The following P4HA1 variants were observed in gnomAD, a reference collection of about 807,000 sequenced individuals.
P4HA1 encodes the protein prolyl 4-hydroxylase subunit alpha-1.
P4HA1 carries 24 observed loss-of-function variants against 72.8 expected under a neutral mutation model. The ratio of observed to expected loss-of-function variants is 0.33; its 90% CI spans 0.24 to 0.46. The LOEUF is 0.46. Ranked by LOEUF, P4HA1 falls within the 20% of genes least tolerant of loss-of-function variation. The pLI is 1.00. For synonymous variants in P4HA1, 201 were observed against 218.8 expected (o/e 0.92, Z 0.72); for missense variants, 446 against 640.6 (o/e 0.70, Z 3.28).
At chr10:73,071,555 T>C (rs1478961814) in intron 4 of P4HA1, among the ~76,000 whole-genome samples, 1 of 152,136 alleles carries the variant, frequency 6.6e-6, no homozygotes, top group Non-Finnish European at 1.5e-5. Flanking sequence ...CAACTACAAA[T>C]TGTATTGTAT....
intron 6 of P4HA1, among the ~76,000 whole-genome samples, chr10:73,053,029 A>G (rs1198641411): frequency 6.6e-6 from 1 of 152,252 alleles, no homozygotes; most frequent in Non-Finnish European, 1.5e-5. Flanking sequence ...GCAATAAAAC[A>G]TAACACCCTT....
At chr10:73,023,233 G>T (rs2133049435) in intron 10 of P4HA1, among the ~76,000 whole-genome samples, 1 of 152,246 alleles carries the variant, frequency 6.6e-6, no homozygotes, top group Admixed American at 6.5e-5. Flanking sequence ...AAAATCTTAA[G>T]GGCAGCCAGA....
At chr10:73,062,492 TATA>T (rs1259743722) in intron 5 of P4HA1, among the ~76,000 whole-genome samples, 1 of 152,110 alleles carries the variant, frequency 6.6e-6, no homozygotes, top group African/African-American at 2.4e-5. Context: ...ATTATACTAG[TATA>T]ATATTGTATT....
chr10:73,045,044 C>G lies in P4HA1; in HGVS notation c.1085G>C (p.Arg362Pro). 6.2e-7 allele frequency: 1 copy of G among 1,613,310 alleles called. No individual in the cohort carries two copies. The highest frequency in any genetic ancestry group is 2.2e-5 in the East Asian group (1 of 44,858). Residue 362 changes from arginine to proline, a missense_variant, in exon 9 of 15, where the codon CGA (arginine) becomes CCA (proline). Transcript: ENST00000394890. Reference sequence around the variant, plus strand: ...TGTTATTGGGTTTGAAATGGTGGCTCGCCTCAGCTGTGAAGCCAACCATCA... The same window carrying G: ...TGTTATTGGGTTTGAAATGGTGGCTGGCCTCAGCTGTGAAGCCAACCATCA... ...VKDLAKPRLR[R>P]ATISNPITGD...
chr10:73,038,622 CTTTTTTTTTT>C (rs745518781), intron 9 of P4HA1, among the ~76,000 whole-genome samples: 7 of 108,840 alleles, frequency 6.4e-5, no homozygotes, highest in Non-Finnish European at 1.1e-4. Context: ...TTTTTATTTG[CTTTTTTTTTT>C]TTTTTTTTTT....
At chr10:73,032,459 CT>C (rs2133065754) in intron 9 of P4HA1, among the ~76,000 whole-genome samples, 1 of 152,308 alleles carries the variant, frequency 6.6e-6, no homozygotes, top group African/African-American at 2.4e-5. Flanking sequence ...CTTTTGGAAA[CT>C]CTCTCAAACA....
chr10:73,085,201 A>G (rs1227231890), intron 1 of P4HA1, among the ~76,000 whole-genome samples: 1 of 152,190 alleles, frequency 6.6e-6, no homozygotes, highest in African/African-American at 2.4e-5. Context: ...CGCCTAGGCA[A>G]TAGTTTCTTA....
intron 5 of P4HA1, among the ~76,000 whole-genome samples, chr10:73,059,345 T>G (rs1841243673): frequency 6.9e-6 from 1 of 144,756 alleles, no homozygotes. Context: ...ATCCTGACAC[T>G]TCGGGAGGCC....
chr10:73,027,752 GAGGGA>G lies in P4HA1; in HGVS notation c.1248+2514_1248+2518del, dbSNP rs1840317079. On this transcript the variant is annotated intron_variant, in intron 10 of 14. Transcript: ENST00000394890. The stretch of plus-strand genomic sequence containing the variant: ...GGAGGGAAGGATGGATGCAGGGAGG[GAGGGA>G]AGGGAAGGAAGGAAGGAAGGAAGCA... 4.1e-5 allele frequency among the ~76,000 whole-genome samples: 6 copies of G among 145,192 alleles called. No homozygotes were observed. The South Asian group carries it at 1.4e-3, about 34-fold the overall frequency.
chr10:73,018,933 T>C (rs1209922695), intron 10 of P4HA1, among the ~76,000 whole-genome samples: 1 of 151,982 alleles, frequency 6.6e-6, no homozygotes, highest in Non-Finnish European at 1.5e-5. Flanking sequence ...GGTGTTACAA[T>C]AGTATGCAAG....
intron 9 of P4HA1, among the ~76,000 whole-genome samples, chr10:73,039,050 TGGGA>T (rs1840671225): frequency 6.6e-6 from 1 of 152,196 alleles, no homozygotes; most frequent in South Asian, 2.1e-4. Flanking sequence ...ACCAATACTC[TGGGA>T]GGATCACTTG....
At position 73,014,158 on chromosome 10, in the gene P4HA1, T is replaced by C; in HGVS notation, c.1368+66A>G. ...GAATCAGAGCTACACAGAACAAACT[T>C]AAAACATTAAAATGAATCTTGTCAT... On this transcript the variant is annotated intron_variant, in intron 12 of 14. Transcript: ENST00000394890. 3 of 1,089,896 alleles carry C rather than the reference T, an allele frequency of 2.8e-6. No individual in the cohort carries two copies. In the East Asian group the frequency reaches 7.1e-5, roughly 26 times the overall value. 67.5% of individuals were successfully genotyped at this position (1,089,896 alleles called of 1,614,324 possible). A position where few individuals can be genotyped will look rare whatever the true frequency, so the allele number is the denominator to read the frequency against.
Position 73,036,143 on chromosome 10 carries a change from C to T in P4HA1, c.1149-5773G>A, listed in dbSNP as rs186278426. On this transcript the variant is annotated intron_variant, in intron 9 of 14. Coordinates refer to ENST00000394890, the MANE Select transcript of P4HA1 (RefSeq NM_001017962.3). ...CAGAGGTTGCAGTGAGCCGAGATCA[C>T]GCCATTGCACTCGAGTCTGGGCAAC... Among the ~76,000 whole-genome samples, 27 of 149,270 alleles carry T rather than the reference C, an allele frequency of 1.8e-4. 1 individual carries two copies. Among genetic ancestry groups the T allele is most frequent in the African/African-American group, 6.5e-4 (26 of 40,268 alleles).
Position 73,008,289 on chromosome 10 carries a change from G to A in P4HA1, c.1538C>T (p.Ser513Phe), listed in dbSNP as rs749470305. ...TCCACGTTCATGGAGCCATTTATTG[G>A]ATACTGTGAGAGAAAAGTAATATAT... ...CPVLVGNKWV[S>F]NKWLHERGQE... The change falls in exon 15 of 15, where the codon TCC (serine) becomes TTC (phenylalanine). Residue 513 changes from serine (S) to phenylalanine (F), a missense_variant. Ser to Phe is a radical substitution (Grantham distance 155, BLOSUM62 -2). Transcript: ENST00000394890. 6.4e-7 allele frequency: 1 copy of A among 1,566,546 alleles called. No individual in the cohort carries two copies. The highest frequency in any genetic ancestry group is 8.8e-7 in the Non-Finnish European group (1 of 1,137,326).
chr10:73,082,180 G>A (rs902555816), intron 1 of P4HA1, among the ~76,000 whole-genome samples: 5 of 152,190 alleles, frequency 3.3e-5, no homozygotes, highest in African/African-American at 4.8e-5. Context: ...TTTTGAGCAT[G>A]TTTAAGGTGT....
At chr10:73,011,787 TACAA>T (rs1381663069) in intron 12 of P4HA1, among the ~76,000 whole-genome samples, 2 of 152,052 alleles carry the variant, frequency 1.3e-5, no homozygotes, top group African/African-American at 2.4e-5. Flanking sequence ...ACAAGTGACT[TACAA>T]ACACAGAACA....
intron 9 of P4HA1, among the ~76,000 whole-genome samples, chr10:73,035,123 T>C (rs919163737): frequency 1.1e-4 from 16 of 152,052 alleles, no homozygotes; most frequent in African/African-American, 3.4e-4. Flanking sequence ...AGAAGTAGAA[T>C]TGCTAGATCA....
intron 14 of P4HA1, among the ~76,000 whole-genome samples, chr10:73,008,724 C>G (rs1853028858): frequency 6.6e-6 from 1 of 152,088 alleles, no homozygotes; most frequent in South Asian, 2.1e-4. Flanking sequence ...AAAGGAACAA[C>G]TCTCTTATCA....
At chr10:73,070,315 C>G (rs1205245270) in intron 4 of P4HA1, among the ~76,000 whole-genome samples, 1 of 151,628 alleles carries the variant, frequency 6.6e-6, no homozygotes, top group African/African-American at 2.4e-5. Context: ...CACCACCAGG[C>G]CCGGCTAACT....
Sources: gnomAD v4.1 joint callset for allele counts (sites outside exome capture counted in the v4.1 genomes callset) on GRCh38, gnomAD v4.1.1 for gene constraint, MANE v1.5 for transcripts, NCBI Gene and HGNC (gene_info 2026-07-23, HGNC 2026-07-21) for gene names.